Variants in OPCML observed in about 807,000 individuals in gnomAD.
The protein encoded by OPCML is opioid-binding protein/cell adhesion molecule.
A neutral mutation model predicts 37.8 loss-of-function variants in OPCML; 13 were observed. The observed-to-expected ratio is 0.34, with a 90% CI of 0.22 to 0.55. OPCML has a LOEUF of 0.55. OPCML is among the 20% of genes least tolerant of loss of function. OPCML has a pLI of 0.91. For synonymous variants in OPCML, 176 were observed against 168.8 expected, an observed-to-expected ratio of 1.04 and a Z score of -0.33; for missense variants, 341 against 435.6, an observed-to-expected ratio of 0.78 and a Z score of 1.93.
chr11:133,014,985 A>G (rs542226415), intron 1 of OPCML, among the ~76,000 whole-genome samples: 11 of 152,234 alleles, frequency 7.2e-5, no homozygotes, highest in Non-Finnish European at 1.3e-4. Flanking sequence ...AACGTCCAGC[A>G]ATCGAAATGG....
intron 2 of OPCML, among the ~76,000 whole-genome samples, chr11:132,882,409 G>T (rs1943252908): frequency 6.6e-6 from 1 of 152,218 alleles, no homozygotes; most frequent in African/African-American, 2.4e-5. Flanking sequence ...CAGGAAGGAA[G>T]ATAGCAAGCA....
chr11:133,048,770 T>G (rs1333202785), intron 1 of OPCML, among the ~76,000 whole-genome samples: 3 of 152,216 alleles, frequency 2.0e-5, no homozygotes, highest in Non-Finnish European at 4.4e-5. Context: ...GATTGAGGTC[T>G]GGAACTCTGT....
At chr11:132,761,593 C>T (rs932456449) in intron 2 of OPCML, among the ~76,000 whole-genome samples, 1 of 151,910 alleles carries the variant, frequency 6.6e-6, no homozygotes, top group African/African-American at 2.4e-5. Flanking sequence ...TCTGCTTGAT[C>T]GATTCAGCTA....
intron 2 of OPCML, among the ~76,000 whole-genome samples, chr11:132,811,284 A>G (rs1264266455): frequency 1.3e-5 from 2 of 152,194 alleles, no homozygotes; most frequent in Non-Finnish European, 2.9e-5. Flanking sequence ...TTATTATTAA[A>G]TCCCTCTTAC....
At chr11:132,547,686 T>C (rs1020449785) in intron 3 of OPCML, among the ~76,000 whole-genome samples, 5 of 152,168 alleles carry the variant, frequency 3.3e-5, no homozygotes, top group African/African-American at 9.6e-5. Context: ...GTCCTTAAAT[T>C]AGGTATCTCC....
chr11:132,771,510 C>T (rs1946633597), intron 2 of OPCML: 1 of 152,172 alleles, frequency 6.6e-6, no homozygotes, highest in South Asian at 2.1e-4. Context: ...AGCAATTAAT[C>T]CTATTATCCT....
chr11:133,458,585 A>T (rs1946766394), intron 1 of OPCML, among the ~76,000 whole-genome samples: 2 of 113,830 alleles, frequency 1.8e-5, no homozygotes, highest in East Asian at 4.7e-4. Context: ...GTGTGTGTAC[A>T]CATATATACA....
At chr11:133,298,110 A>G (rs1942674389) in intron 1 of OPCML, 1 of 151,752 alleles carries the variant, frequency 6.6e-6, no homozygotes, top group Non-Finnish European at 1.5e-5. Flanking sequence ...TATAAGCAAC[A>G]TAGGGCCCAA....
At chr11:132,605,020 G>T (rs1004089438) in intron 3 of OPCML, among the ~76,000 whole-genome samples, 1 of 152,070 alleles carries the variant, frequency 6.6e-6, no homozygotes. Flanking sequence ...ACATGCAGAG[G>T]GTTTAGAATG....
intron 7 of OPCML, among the ~76,000 whole-genome samples, chr11:132,434,109 C>T (rs1442523359): frequency 1.3e-5 from 2 of 152,140 alleles, no homozygotes; most frequent in Non-Finnish European, 2.9e-5. Context: ...TCCCACCAAC[C>T]ATGGGGATAA....
At chr11:132,509,105 G>C (rs1315045856) in intron 4 of OPCML, among the ~76,000 whole-genome samples, 1 of 152,178 alleles carries the variant, frequency 6.6e-6, no homozygotes, top group Non-Finnish European at 1.5e-5. Flanking sequence ...TTGTTGGGAA[G>C]TGGAGCAAAG....
At chr11:133,171,506 T>C (rs1279328804) in intron 1 of OPCML, among the ~76,000 whole-genome samples, 1 of 152,222 alleles carries the variant, frequency 6.6e-6, no homozygotes, top group Non-Finnish European at 1.5e-5. Flanking sequence ...TAAAACCTCA[T>C]GTTTCATTTT....
chr11:133,188,016 C>A (rs1938161057), intron 1 of OPCML, among the ~76,000 whole-genome samples: 1 of 152,178 alleles, frequency 6.6e-6, no homozygotes, highest in South Asian at 2.1e-4. Context: ...CAACAAAAAA[C>A]AGGTTTTGAA....
chr11:132,738,381 T>A (rs1945326754), intron 2 of OPCML, among the ~76,000 whole-genome samples: 1 of 152,208 alleles, frequency 6.6e-6, no homozygotes, highest in African/African-American at 2.4e-5. Flanking sequence ...GTCTAAGAAG[T>A]TTAAATACCC....
At chr11:132,950,273 G>C (rs904794908) in intron 1 of OPCML, among the ~76,000 whole-genome samples, 20 of 152,200 alleles carry the variant, frequency 1.3e-4, no homozygotes, top group African/African-American at 4.8e-4. Context: ...AGGAGCAGCA[G>C]AGGCCAGAAA....
intron 1 of OPCML, among the ~76,000 whole-genome samples, chr11:133,089,294 T>C (rs1948868576): frequency 6.6e-6 from 1 of 152,220 alleles, no homozygotes; most frequent in Non-Finnish European, 1.5e-5. Flanking sequence ...AGAATGTGAG[T>C]AATGAATACA....
At chr11:132,558,236 T>TTTC (rs576246876) in intron 3 of OPCML, among the ~76,000 whole-genome samples, 3 of 151,042 alleles carry the variant, frequency 2.0e-5, no homozygotes, top group African/African-American at 7.3e-5. Flanking sequence ...TCTTCCTCTT[T>TTTC]TTCTTCTTCT....
intron 1 of OPCML, among the ~76,000 whole-genome samples, chr11:133,224,194 G>A (rs1195783559): frequency 6.6e-6 from 1 of 152,186 alleles, no homozygotes; most frequent in East Asian, 1.9e-4. Context: ...GCCAAAAGTG[G>A]CCGGTGGTGG....
At chr11:133,080,805 T>A (rs1948703047) in intron 1 of OPCML, among the ~76,000 whole-genome samples, 1 of 152,130 alleles carries the variant, frequency 6.6e-6, no homozygotes, top group Non-Finnish European at 1.5e-5. Context: ...CAGGCATCTG[T>A]TTGTTCACCT....
Sources: gnomAD v4.1 joint callset for allele counts (sites outside exome capture counted in the v4.1 genomes callset) on GRCh38, gnomAD v4.1.1 for gene constraint, MANE v1.5 for transcripts, NCBI Gene and HGNC (gene_info 2026-07-23, HGNC 2026-07-21) for gene names.